SLC9A9: variants seen among roughly 807,000 people sequenced by gnomAD.
The protein encoded by SLC9A9 is solute carrier family 9 member A9.
A neutral mutation model predicts 77.8 loss-of-function variants in SLC9A9; 62 were observed. The ratio of observed to expected loss-of-function variants is 0.80; its 90% CI spans 0.65 to 0.98. The LOEUF (loss-of-function observed/expected upper bound fraction) is 0.98, where lower values mean the gene tolerates loss of function less well. Among genes scored for constraint, SLC9A9 ranks in the 50% least tolerant of loss-of-function variants. The pLI is 0.00. For synonymous variants in SLC9A9, 320 were observed against 283.5 expected, an observed-to-expected ratio of 1.13 and a Z score of -1.29; for missense variants, 775 against 774.9, an observed-to-expected ratio of 1.00 and a Z score of 0.00.
chr3:143,568,007 C>A (rs1244426305), intron 8 of SLC9A9, among the ~76,000 whole-genome samples: 21 of 152,110 alleles, frequency 1.4e-4, no homozygotes, highest in Non-Finnish European at 1.5e-5. Context: ...ATGGACTATT[C>A]CTTCCTTTGT....
At chr3:143,606,835 G>A (rs1371013113) in intron 6 of SLC9A9, among the ~76,000 whole-genome samples, 2 of 152,054 alleles carry the variant, frequency 1.3e-5, no homozygotes, top group Admixed American at 1.3e-4. Flanking sequence ...TTAAAAAATA[G>A]TCCAACATAT....
chr3:143,482,938 C>T (rs143123386), intron 11 of SLC9A9, among the ~76,000 whole-genome samples: 7 of 152,262 alleles, frequency 4.6e-5, no homozygotes, highest in East Asian at 3.9e-4. Flanking sequence ...GTTTCAGGGG[C>T]GCTTAGCATT....
chr3:143,613,310 T>C (rs1219030364), intron 6 of SLC9A9, among the ~76,000 whole-genome samples: 1 of 152,216 alleles, frequency 6.6e-6, no homozygotes, highest in Non-Finnish European at 1.5e-5. Flanking sequence ...GTGGTTTAAT[T>C]TTTTAGCAAC....
At chr3:143,811,614 C>T (rs942881084) in intron 2 of SLC9A9, 3 of 448,712 alleles carry the variant, frequency 6.7e-6, no homozygotes, top group African/African-American at 6.0e-5. Context: ...GGGAGGCCGA[C>T]GTGGGTGGAT....
intron 5 of SLC9A9, among the ~76,000 whole-genome samples, chr3:143,689,284 T>C (rs1174428150): frequency 6.6e-6 from 1 of 152,174 alleles, no homozygotes; most frequent in East Asian, 1.9e-4. Flanking sequence ...TGAAAAGCTA[T>C]TAATTTCAAC....
chr3:143,479,098 C>T (rs997144617), intron 11 of SLC9A9, among the ~76,000 whole-genome samples: 10 of 152,126 alleles, frequency 6.6e-5, no homozygotes, highest in Admixed American at 2.6e-4. Context: ...ATACGTAGGA[C>T]GGTCTGATTA....
chr3:143,737,487 C>CA (rs147108833), intron 4 of SLC9A9, among the ~76,000 whole-genome samples: 14,334 of 143,436 alleles, frequency 0.1, 891 homozygotes, highest in African/African-American at 0.18. Flanking sequence ...AAAAAAAAAC[C>CA]AAAAAAAAAA....
At chr3:143,650,713 C>T (rs563858800) in intron 6 of SLC9A9, among the ~76,000 whole-genome samples, 1 of 152,306 alleles carries the variant, frequency 6.6e-6, no homozygotes, top group African/African-American at 2.4e-5. Context: ...CATCTCATTC[C>T]TAGAAAGGAA....
chr3:143,325,526 C>T (rs558435494), intron 14 of SLC9A9, among the ~76,000 whole-genome samples: 10 of 152,320 alleles, frequency 6.6e-5, no homozygotes, highest in Admixed American at 3.3e-4. Context: ...TGCATGCTTC[C>T]AAGGCCATGG....
intron 14 of SLC9A9, among the ~76,000 whole-genome samples, chr3:143,312,821 T>C (rs1027599038): frequency 1.3e-5 from 2 of 152,230 alleles, no homozygotes; most frequent in Non-Finnish European, 2.9e-5. Context: ...CCTCTGACCA[T>C]TGCTTAGGCC....
chr3:143,846,210 G>A (rs181364072), intron 1 of SLC9A9, among the ~76,000 whole-genome samples: 1 of 152,228 alleles, frequency 6.6e-6, no homozygotes, highest in East Asian at 1.9e-4. Flanking sequence ...CATTGAACTT[G>A]GTAAATGAGT....
intron 11 of SLC9A9, among the ~76,000 whole-genome samples, chr3:143,478,389 C>T (rs2035518099): frequency 6.6e-6 from 1 of 152,140 alleles, no homozygotes; most frequent in African/African-American, 2.4e-5. Flanking sequence ...GCCCTGGGGT[C>T]TCCTCCTTCC....
intron 14 of SLC9A9, among the ~76,000 whole-genome samples, chr3:143,345,695 T>C (rs1158872689): frequency 6.6e-6 from 1 of 152,156 alleles, no homozygotes; most frequent in Non-Finnish European, 1.5e-5. Flanking sequence ...TCTCTGCAGG[T>C]GTGTAAATCT....
intron 12 of SLC9A9, among the ~76,000 whole-genome samples, chr3:143,449,671 T>A (rs1166725990): frequency 6.3e-5 from 3 of 47,798 alleles, no homozygotes; most frequent in South Asian, 8.0e-4. Flanking sequence ...TATAATTATA[T>A]TATATAATTA....
intron 14 of SLC9A9, among the ~76,000 whole-genome samples, chr3:143,308,511 GC>G (rs2030896010): frequency 6.6e-6 from 1 of 151,956 alleles, no homozygotes; most frequent in Non-Finnish European, 1.5e-5. Flanking sequence ...AGGAGGTGGA[GC>G]TTGCAGTGAG....
chr3:143,819,530 G>T (rs1388160450), intron 2 of SLC9A9, among the ~76,000 whole-genome samples: 1 of 152,152 alleles, frequency 6.6e-6, no homozygotes, highest in Non-Finnish European at 1.5e-5. Context: ...CCAGAACTTT[G>T]GTTCCTCCTC....
At chr3:143,566,119 A>G (rs1407361449) in intron 8 of SLC9A9, among the ~76,000 whole-genome samples, 1 of 152,174 alleles carries the variant, frequency 6.6e-6, no homozygotes, top group Non-Finnish European at 1.5e-5. Flanking sequence ...CAACATGTCC[A>G]GTAATAGTCA....
chr3:143,428,443 G>A (rs919746327), intron 12 of SLC9A9, among the ~76,000 whole-genome samples: 1 of 152,084 alleles, frequency 6.6e-6, no homozygotes, highest in Admixed American at 6.5e-5. Context: ...AAAAATGCTG[G>A]CAAGGATGCA....
At chr3:143,433,319 C>T (rs943441113) in intron 12 of SLC9A9, among the ~76,000 whole-genome samples, 24 of 152,220 alleles carry the variant, frequency 1.6e-4, no homozygotes, top group African/African-American at 5.8e-4. Flanking sequence ...ATCCCACAAA[C>T]AGCATGAAGA....
Sources: gnomAD v4.1 joint callset for allele counts (sites outside exome capture counted in the v4.1 genomes callset) on GRCh38, gnomAD v4.1.1 for gene constraint, MANE v1.5 for transcripts, NCBI Gene and HGNC (gene_info 2026-07-23, HGNC 2026-07-21) for gene names.